The following RAF1 variants were observed in gnomAD, a reference collection of about 807,000 sequenced individuals.
RAF1 encodes the protein Raf-1 proto-oncogene, serine/threonine kinase, also known as RAF proto-oncogene serine/threonine-protein kinase.
RAF1 carries 27 observed loss-of-function variants against 81.1 expected under a neutral mutation model. The ratio of observed to expected loss-of-function variants is 0.33; its 90% CI spans 0.25 to 0.46. The LOEUF (loss-of-function observed/expected upper bound fraction) is 0.46. Ranked by LOEUF, RAF1 falls within the 20% of genes least tolerant of loss-of-function variation. The pLI is 1.00. For missense variants in RAF1, 598 were observed against 826.0 expected (o/e 0.72, Z 3.38); for synonymous variants, 298 against 294.0 (o/e 1.01, Z -0.14).
chr3:12,663,488 C>CAA (rs1295966273), intron 1 of RAF1, among the ~76,000 whole-genome samples: 7 of 152,212 alleles, frequency 4.6e-5, no homozygotes, highest in Non-Finnish European at 1.0e-4. Context: ...ATCCAAGTGA[C>CAA]AACAGATATG....
At chr3:12,635,021 T>C (rs2059974982) in intron 1 of RAF1, among the ~76,000 whole-genome samples, 1 of 152,134 alleles carries the variant, frequency 6.6e-6, no homozygotes, top group South Asian at 2.1e-4. Context: ...ATATGTTTAA[T>C]ACTTCTTTAA....
At chr3:12,648,845 T>C (rs1410621848) in intron 1 of RAF1, among the ~76,000 whole-genome samples, 2 of 152,160 alleles carry the variant, frequency 1.3e-5, no homozygotes, top group Admixed American at 1.3e-4. Context: ...CCGGATGCGG[T>C]GGCTCACGCC....
chr3:12,587,386 G>A (rs1225165668), intron 14 of RAF1: 12 of 626,104 alleles, frequency 1.9e-5, no homozygotes, highest in African/African-American at 3.7e-5. Context: ...CCTAAACATC[G>A]CTCTCATCAG....
chr3:12,654,043 G>A (rs2060611685), intron 1 of RAF1, among the ~76,000 whole-genome samples: 1 of 150,480 alleles, frequency 6.6e-6, no homozygotes, highest in Non-Finnish European at 1.5e-5. Flanking sequence ...CCAGGCTAGA[G>A]CACCATGGCA....
chr3:12,592,027 C>T (rs549627084), intron 11 of RAF1: 65 of 558,508 alleles, frequency 1.2e-4, no homozygotes, highest in South Asian at 9.4e-4. Context: ...ATCCTCCCAC[C>T]TTGGCCTCCC....
At chr3:12,586,620 C>G (rs935407673) in intron 14 of RAF1, among the ~76,000 whole-genome samples, 9 of 152,180 alleles carry the variant, frequency 5.9e-5, no homozygotes, top group African/African-American at 2.2e-4. Flanking sequence ...AACTATCATG[C>G]CTCTCACTGC....
intron 1 of RAF1, among the ~76,000 whole-genome samples, chr3:12,622,726 G>A (rs147252176): frequency 2.0e-4 from 30 of 152,102 alleles, no homozygotes; most frequent in Non-Finnish European, 4.3e-4. Context: ...TCAGTATCTG[G>A]AATACAAAGG....
intron 1 of RAF1, among the ~76,000 whole-genome samples, chr3:12,639,451 A>G: frequency 6.6e-6 from 1 of 152,206 alleles, no homozygotes; most frequent in East Asian, 1.9e-4. Context: ...TGCAGATGAC[A>G]TGATTGTATA....
chr3:12,657,644 G>C (rs2125584397), intron 1 of RAF1, among the ~76,000 whole-genome samples: 2 of 151,960 alleles, frequency 1.3e-5, no homozygotes, highest in Middle Eastern at 3.4e-3. Flanking sequence ...GGTGGTGCAT[G>C]CCTGTAACCC....
intron 1 of RAF1, among the ~76,000 whole-genome samples, chr3:12,657,367 A>G (rs2060728984): frequency 6.6e-6 from 1 of 152,368 alleles, no homozygotes; most frequent in South Asian, 2.1e-4. Context: ...GCTAGAGAAC[A>G]AAGGAGAACG....
At chr3:12,659,210 T>C (rs1474791830) in intron 1 of RAF1, among the ~76,000 whole-genome samples, 4 of 151,692 alleles carry the variant, frequency 2.6e-5, no homozygotes, top group Non-Finnish European at 5.9e-5. Flanking sequence ...GGTGGATCAC[T>C]TGAGGTCAGG....
At chr3:12,601,234 G>C (rs1381542736) in intron 8 of RAF1, among the ~76,000 whole-genome samples, 1 of 152,214 alleles carries the variant, frequency 6.6e-6, no homozygotes, top group Non-Finnish European at 1.5e-5. Context: ...AACAGGTAGA[G>C]AGACTTGGCA....
At chr3:12,585,404 G>A (rs906162349) in intron 15 of RAF1, 151 bp from the exon 15 acceptor site, 3 of 1,531,738 alleles carry the variant, frequency 2.0e-6, no homozygotes. Context: ...TCCAACTCAG[G>A]CACTGGTTAA....
chr3:12,633,480 C>A (rs1264481281), intron 1 of RAF1, among the ~76,000 whole-genome samples: 1 of 137,310 alleles, frequency 7.3e-6, no homozygotes, highest in South Asian at 2.2e-4. Flanking sequence ...GAGACCCTGT[C>A]TGGAAATTAA....
In RAF1 at chr3:12,618,514, C is replaced by T. The variant is rs772835401; in HGVS notation, c.207+1G>A. On this transcript the variant is annotated splice_donor_variant, in intron 2 of 17. Transcript: ENST00000442415. LOFTEE classifies it high-confidence loss of function. ...ATTTCCTAAGTAGAATGTTCACATA[C>T]CACTGTTCTTTGCTTGTTCGGCAAG... 1 of 1,614,122 alleles carries T rather than the reference C, an allele frequency of 6.2e-7. No homozygotes were observed.
intron 1 of RAF1, among the ~76,000 whole-genome samples, chr3:12,662,266 T>C (rs529866398): frequency 7.0e-6 from 1 of 142,390 alleles, no homozygotes; most frequent in South Asian, 2.2e-4. Context: ...GCCCAGGAGT[T>C]AGAGGCTGCA....
intron 3 of RAF1, among the ~76,000 whole-genome samples, chr3:12,611,260 C>T (rs1255979180): frequency 6.6e-6 from 1 of 151,846 alleles, no homozygotes; most frequent in Admixed American, 6.6e-5. Flanking sequence ...TGCTCCAGCC[C>T]AGGCTGGAGT....
At chr3:12,636,239 C>T (rs1204940713) in intron 1 of RAF1, among the ~76,000 whole-genome samples, 2 of 149,606 alleles carry the variant, frequency 1.3e-5, no homozygotes, top group African/African-American at 2.5e-5. Context: ...TGAGCTGAGA[C>T]TGCGACACTG....
At chr3:12,647,324 G>C (rs1242324358) in intron 1 of RAF1, among the ~76,000 whole-genome samples, 1 of 150,918 alleles carries the variant, frequency 6.6e-6, no homozygotes, top group Non-Finnish European at 1.5e-5. Context: ...ATTCAGGCCA[G>C]GCATGGTGGC....
Sources: gnomAD v4.1 joint callset for allele counts (sites outside exome capture counted in the v4.1 genomes callset) on GRCh38, gnomAD v4.1.1 for gene constraint, MANE v1.5 for transcripts, NCBI Gene and HGNC (gene_info 2026-07-23, HGNC 2026-07-21) for gene names.